Variants in RNF122 observed in about 807,000 individuals in gnomAD.
RNF122 encodes the protein ring finger protein 122.
RNF122 carries 17 observed loss-of-function variants against 24.2 expected under a neutral mutation model. The observed-to-expected ratio is 0.70, with a 90% confidence interval of 0.48 to 1.06. The LOEUF is 1.06. RNF122 is among the 50% of genes least tolerant of loss of function. RNF122 has a pLI of 0.00. For synonymous variants in RNF122, 65 were observed against 71.8 expected (o/e 0.91, Z 0.48); for missense variants, 168 against 198.1 (o/e 0.85, Z 0.91).
At chr8:33,562,905 A>T (rs558096136) in intron 1 of RNF122, among the ~76,000 whole-genome samples, 1 of 152,310 alleles carries the variant, frequency 6.6e-6, no homozygotes, top group East Asian at 1.9e-4. Flanking sequence ...CCTGGGCAAC[A>T]GAGAGAGACT....
At chr8:33,564,318 T>TG (rs940563384) in intron 1 of RNF122, among the ~76,000 whole-genome samples, 1 of 152,066 alleles carries the variant, frequency 6.6e-6, no homozygotes, top group Non-Finnish European at 1.5e-5. Context: ...GAGTCCGTGG[T>TG]GGGAGGACTG....
rs116343092 is a variant in RNF122, at chr8:33,567,104, A to T, written c.-381T>A. ...GATCGGGTTCAGCGGCGCAGAGGTG[A>T]GCTGGCTGGGGTTCCGAAACTGACA... On this transcript the variant is annotated 5_prime_UTR_variant, in exon 1 of 6. Transcript: ENST00000256257. 0.028 allele frequency: 8,091 copies of T among 293,048 alleles called. 669 individuals carry two copies. The highest frequency in any genetic ancestry group is 0.17 in the African/African-American group (7,427 of 42,980). The allele number at this position is 293,048 out of a possible 1,614,324, so 18.2% of individuals were successfully genotyped here. A position where few individuals can be genotyped will look rare whatever the true frequency, so the allele number is the denominator to read the frequency against.
intron 1 of RNF122, among the ~76,000 whole-genome samples, chr8:33,561,699 C>T (rs557912454): frequency 5.9e-5 from 9 of 152,046 alleles, no homozygotes; most frequent in African/African-American, 1.7e-4. Context: ...TACACCACCA[C>T]GCCCAGCTAG....
At position 33,548,108 on chromosome 8, in the gene RNF122, C is replaced by T. The variant is rs189877271; in HGVS notation, c.*645G>A. ...GCTCCGAGATTAACTGAGGAAGAGA[C>T]TGAATGGATAGCACCGTGGGTCCTG... is the stretch of plus-strand genomic sequence containing the variant. On this transcript the variant is annotated 3_prime_UTR_variant, in exon 6 of 6. Coordinates refer to ENST00000256257, the MANE Select transcript of RNF122 (RefSeq NM_024787.3). 1.3e-5 allele frequency: 2 copies of T among 151,822 alleles called. No homozygotes were observed. The highest frequency in any genetic ancestry group is 1.3e-4 in the Admixed American group (2 of 15,184). 9.4% of individuals were successfully genotyped at this position (151,822 alleles called of 1,614,324 possible).
intron 1 of RNF122, among the ~76,000 whole-genome samples, chr8:33,565,379 T>C (rs1361189478): frequency 9.6e-6 from 1 of 104,236 alleles, no homozygotes; most frequent in Non-Finnish European, 2.1e-5. Flanking sequence ...CTCTAAAGAA[T>C]GATTTTTTTC....
chr8:33,565,364 GTCTAC>G (rs1563371522), intron 1 of RNF122, among the ~76,000 whole-genome samples: 1 of 140,060 alleles, frequency 7.1e-6, no homozygotes, highest in Non-Finnish European at 1.5e-5. Flanking sequence ...TCTGGCAGGA[GTCTAC>G]TCTAAAGAAT....
At chr8:33,551,109 T>C (rs1563368002) in intron 3 of RNF122, 24 bp from the exon 4 acceptor site, 3 of 1,613,964 alleles carry the variant, frequency 1.9e-6, no homozygotes, top group African/African-American at 1.3e-5. Context: ...GGAGGCATGA[T>C]GTCCAAAGAA....
intron 2 of RNF122, among the ~76,000 whole-genome samples, chr8:33,551,959 A>G (rs1810382598): frequency 6.6e-6 from 1 of 152,234 alleles, no homozygotes. Flanking sequence ...GCTGACTCTC[A>G]ATGGCCAAAA....
chr8:33,552,355 C>T (rs775581855), intron 2 of RNF122, among the ~76,000 whole-genome samples: 41 of 152,124 alleles, frequency 2.7e-4, no homozygotes, highest in African/African-American at 9.4e-4. Flanking sequence ...GCCGAGATTG[C>T]GCCATTGCAC....
intron 1 of RNF122, among the ~76,000 whole-genome samples, chr8:33,561,180 C>CT (rs1032434188): frequency 2.6e-5 from 4 of 152,158 alleles, no homozygotes; most frequent in Non-Finnish European, 5.9e-5. Context: ...GAAAGCCCAG[C>CT]TCCAAAGGGT....
chr8:33,558,785 G>GAA lies in RNF122; in HGVS notation c.26-16_26-15dup, dbSNP rs3832565. 9.1e-4 allele frequency: 1,319 copies of GAA among 1,445,506 alleles called. 1 individual carries two copies. Among genetic ancestry groups the GAA allele is most frequent in the East Asian group, 6.5e-3 (277 of 42,414 alleles). 89.5% of individuals were successfully genotyped at this position (1,445,506 alleles called of 1,614,324 possible). A position where few individuals can be genotyped will look rare whatever the true frequency, so the allele number is the denominator to read the frequency against. ...CACAGAAACACCCTGCAAAGGGAGA[G>GAA]AAAAAAAAATCATTAGGGTTGGAAA... On this transcript the variant is annotated splice_polypyrimidine_tract_variant and intron_variant, in intron 1 of 5. Transcript: ENST00000256257.
rs1810366183 is a variant in RNF122, at chr8:33,551,030, C to T, written c.270+14G>A. On this transcript the variant is annotated intron_variant, in intron 4 of 5. Coordinates refer to ENST00000256257, the MANE Select transcript of RNF122 (RefSeq NM_024787.3). ...CTGCTGGGGCCCTCCTGCACACTTT[C>T]CTGGCACACTTACCCCATATAATTG... 1 of 1,613,846 alleles carries T rather than the reference C, an allele frequency of 6.2e-7. No homozygotes were observed. The highest frequency in any genetic ancestry group is 8.5e-7 in the Non-Finnish European group (1 of 1,179,872).
chr8:33,550,929 A>G (rs1225836666), intron 4 of RNF122, 115 bp downstream of exon 4: 1 of 928,056 alleles, frequency 1.1e-6, no homozygotes, highest in Non-Finnish European at 1.8e-6. Context: ...GCCAAAGGAG[A>G]TATGAAGGCA....
rs1332392799 is a variant in RNF122 at position 33,558,688 on chromosome 8, T to C, written c.109A>G (p.Ile37Val). 1.1e-5 allele frequency: 17 copies of C among 1,612,084 alleles called. No individual in the cohort carries two copies. The highest frequency in any genetic ancestry group is 3.3e-4 in the Middle Eastern group (2 of 6,078). Residue 37 changes from isoleucine to valine, a missense_variant, in exon 2 of 6, where the codon ATC becomes GTC. Coordinates refer to ENST00000256257, the MANE Select transcript of RNF122 (RefSeq NM_024787.3). ...CCTGTGCCGAAGATGACCATATAGA[T>C]GTTGAGCGGAAGGTCCTGGAAACTG... Reference protein sequence around the residue: ...PISFQDLPLNIYMVIFGTGIF... With the variant: ...PISFQDLPLNVYMVIFGTGIF...
chr8:33,549,504 A>G lies in RNF122; in HGVS notation c.271-12T>C, dbSNP rs1224365023. The G allele has an allele frequency of 3.1e-6, 5 of 1,608,776 alleles. No individual in the cohort carries two copies. The South Asian group carries it at 5.5e-5, about 18-fold the overall frequency. Reference sequence around the variant, plus strand: ...ACTGCGCAGGTCTGCTGCAGAGAGAAAAGAGCAGGTGTGTGAGGAACTGGG... The same window carrying G: ...ACTGCGCAGGTCTGCTGCAGAGAGAGAAGAGCAGGTGTGTGAGGAACTGGG... On this transcript the variant is annotated splice_polypyrimidine_tract_variant and intron_variant, in intron 4 of 5. Transcript: ENST00000256257.
intron 1 of RNF122, among the ~76,000 whole-genome samples, chr8:33,559,944 C>T (rs1046524402): frequency 4.6e-5 from 7 of 151,282 alleles, no homozygotes; most frequent in East Asian, 3.9e-4. Flanking sequence ...CAGGTTCAAG[C>T]GATTCTCCTG....
In RNF122 at chr8:33,548,723, C is replaced by T. The variant is rs776440869; in HGVS notation, c.*30G>A. 7.0e-6 allele frequency: 10 copies of T among 1,420,948 alleles called. No individual in the cohort carries two copies. In the Admixed American group the frequency reaches 1.7e-4, roughly 24 times the overall value. The allele number at this position is 1,420,948 out of a possible 1,614,324, so 88.0% of individuals were successfully genotyped here. On this transcript the variant is annotated 3_prime_UTR_variant, in exon 6 of 6. Coordinates refer to ENST00000256257, the MANE Select transcript of RNF122 (RefSeq NM_024787.3). ...ACCAGACATCCATGAGGCAAGAGGT[C>T]TTCTCCAGGTCTCGGTGTAGCGGCA...
At chr8:33,549,821 AATT>A (rs1462605692) in intron 4 of RNF122, among the ~76,000 whole-genome samples, 1 of 152,208 alleles carries the variant, frequency 6.6e-6, no homozygotes, top group African/African-American at 2.4e-5. Context: ...CTGCACTGGA[AATT>A]ACTGTCCTAG....
At chr8:33,561,650 C>T (rs1810542054) in intron 1 of RNF122, among the ~76,000 whole-genome samples, 1 of 151,932 alleles carries the variant, frequency 6.6e-6, no homozygotes, top group South Asian at 2.1e-4. Context: ...TCAAGTGATC[C>T]TTCTACCTCA....
Sources: allele counts gnomAD v4.1 joint callset (sites outside exome capture counted in the v4.1 genomes callset), GRCh38; gene constraint gnomAD v4.1.1; transcripts MANE v1.5; gene names NCBI Gene and HGNC (gene_info 2026-07-23, HGNC 2026-07-21).